The following CMBL variants were observed in gnomAD, a reference collection of about 807,000 sequenced individuals.
CMBL encodes the protein carboxymethylenebutenolidase homolog (Pseudomonas).
CMBL carries 17 observed loss-of-function variants against 28.7 expected under a neutral mutation model. The observed-to-expected ratio is 0.59, with a 90% confidence interval of 0.41 to 0.89. CMBL has a LOEUF of 0.89. Among genes scored for constraint, CMBL ranks in the 40% least tolerant of loss-of-function variants. CMBL has a pLI of 0.00. For synonymous variants in CMBL, 106 were observed against 101.6 expected, an observed-to-expected ratio of 1.04 and a Z score of -0.26; for missense variants, 310 against 298.5, an observed-to-expected ratio of 1.04 and a Z score of -0.28.
At chr5:10,291,617 C>T (rs1272653874) in intron 1 of CMBL, among the ~76,000 whole-genome samples, 2 of 151,100 alleles carry the variant, frequency 1.3e-5, no homozygotes, top group Non-Finnish European at 1.5e-5. Flanking sequence ...GCCGAGATCG[C>T]GCCACTGCAC....
Position 10,292,688 on chromosome 5 carries a change from G to T in CMBL, c.-19-1907C>A, listed in dbSNP as rs550520722. Among the ~76,000 whole-genome samples the T allele has an allele frequency of 7.2e-5, 11 of 152,194 alleles. No individual in the cohort carries two copies. The South Asian group carries it at 2.3e-3, about 32-fold the overall frequency. The stretch of plus-strand genomic sequence containing the variant: ...AAAATACAAAAGTTAGCCGGGTGTG[G>T]TGGCAGGCGCCTGTAGTCCCAGCTA... On this transcript the variant is annotated intron_variant, in intron 1 of 5. Coordinates refer to ENST00000296658, the MANE Select transcript of CMBL (RefSeq NM_138809.4).
intron 1 of CMBL, among the ~76,000 whole-genome samples, chr5:10,303,367 G>A (rs1417059015): frequency 2.0e-5 from 3 of 152,314 alleles, no homozygotes; most frequent in East Asian, 3.9e-4. Flanking sequence ...CTCACATTTG[G>A]CTCAGAATAA....
At chr5:10,288,046 C>CA (rs1306023615) in intron 3 of CMBL, among the ~76,000 whole-genome samples, 5 of 142,256 alleles carry the variant, frequency 3.5e-5, no homozygotes, top group East Asian at 2.4e-4. Flanking sequence ...ATTTTAATTA[C>CA]AAAAAAAATC....
chr5:10,287,923 G>A (rs995623258), intron 3 of CMBL, among the ~76,000 whole-genome samples: 1 of 151,394 alleles, frequency 6.6e-6, no homozygotes, highest in South Asian at 2.1e-4. Context: ...GTAGAGGCAG[G>A]TTTCACCATG....
At chr5:10,290,322 A>G in intron 2 of CMBL, 1 of 553,740 alleles carries the variant, frequency 1.8e-6, no homozygotes. Flanking sequence ...AAGGCCAGGT[A>G]CTCCCAGGAG....
At chr5:10,292,873 A>G (rs1033339599) in intron 1 of CMBL, among the ~76,000 whole-genome samples, 2 of 152,066 alleles carry the variant, frequency 1.3e-5, no homozygotes, top group Admixed American at 6.6e-5. Flanking sequence ...AAGAGGAACT[A>G]GGAACACTAA....
chr5:10,302,508 G>T (rs11957753), intron 1 of CMBL, among the ~76,000 whole-genome samples: 2,076 of 151,018 alleles, frequency 0.014, 18 homozygotes, highest in Non-Finnish European at 0.024. Flanking sequence ...AATTAGCCAG[G>T]CATGGTGGTG....
chr5:10,286,914 C>A (rs999654132), intron 3 of CMBL, among the ~76,000 whole-genome samples: 1 of 152,174 alleles, frequency 6.6e-6, no homozygotes, highest in African/African-American at 2.4e-5. Context: ...CTCCTCTCTC[C>A]TCTCTCCCAT....
At position 10,301,606 on chromosome 5, in the gene CMBL, G is replaced by GTTTTTT. The variant is rs371796871; in HGVS notation, c.-20+6013_-20+6018dup. Among the ~76,000 whole-genome samples the GTTTTTT allele has an allele frequency of 5.9e-4, 78 of 132,236 alleles. 1 individual carries two copies. The highest frequency in any genetic ancestry group is 1.7e-3 in the African/African-American group (57 of 34,530). The allele number at this position is 132,236 out of a possible 152,430, so 86.8% of individuals were successfully genotyped here. On this transcript the variant is annotated intron_variant, in intron 1 of 5. Coordinates refer to ENST00000296658, the MANE Select transcript of CMBL (RefSeq NM_138809.4). ...TTTCTTTTTTTCTTTTTCTTTTCGG[G>GTTTTTT]TTTTTTTTTTTTTGGAGACGGAGTC... is the stretch of plus-strand genomic sequence containing the variant.
chr5:10,288,392 T>C (rs2126546619), intron 3 of CMBL, 30 bp downstream of exon 3: 1 of 1,541,538 alleles, frequency 6.5e-7, no homozygotes. Context: ...GGCCACAACG[T>C]GCACATGGCC....
At position 10,290,781 on chromosome 5, in the gene CMBL, G is replaced by C; in HGVS notation, c.-19C>G. The C allele has an allele frequency of 6.2e-7, 1 of 1,602,142 alleles. No individual in the cohort carries two copies. Among genetic ancestry groups the C allele is most frequent in the Non-Finnish European group, 8.6e-7 (1 of 1,169,222 alleles). On this transcript the variant is annotated splice_region_variant and 5_prime_UTR_variant, in exon 2 of 6. Coordinates refer to ENST00000296658, the MANE Select transcript of CMBL (RefSeq NM_138809.4). ...TAGCCATTGCAGAGATTTAAGTCGG[G>C]CTATGGAGAGAGAAACATGCGTTAT... is the stretch of plus-strand genomic sequence containing the variant.
rs1257335731 is a variant in CMBL, at chr5:10,278,205, C to T, written c.*2248G>A. ...GGGAATTCTTTGAATTTTATGTTTC[C>T]TGAGCATCTATTTGAATGTAAGTTG... On this transcript the variant is annotated 3_prime_UTR_variant, in exon 6 of 6. Coordinates refer to ENST00000296658, the MANE Select transcript of CMBL (RefSeq NM_138809.4). 6.6e-6 allele frequency among the ~76,000 whole-genome samples: 1 copy of T among 152,196 alleles called. No homozygotes were observed. The highest frequency in any genetic ancestry group is 6.5e-5 in the Admixed American group (1 of 15,280).
At chr5:10,285,257 C>G (rs1171298486) in intron 4 of CMBL, among the ~76,000 whole-genome samples, 1 of 152,228 alleles carries the variant, frequency 6.6e-6, no homozygotes, top group Non-Finnish European at 1.5e-5. Flanking sequence ...CAACCTCCAC[C>G]TCCCGGGTTC....
chr5:10,288,898 A>C (rs1360723069), intron 2 of CMBL, among the ~76,000 whole-genome samples: 1 of 152,000 alleles, frequency 6.6e-6, no homozygotes, highest in Non-Finnish European at 1.5e-5. Context: ...GCCTGGGGAG[A>C]CTCCTGGCCT....
rs1439786411 is a variant in CMBL at position 10,280,548 on chromosome 5, C to T, written c.643G>A (p.Val215Met). The T allele has an allele frequency of 8.1e-6, 13 of 1,613,788 alleles. No individual in the cohort carries two copies. Among genetic ancestry groups the T allele is most frequent in the South Asian group, 2.2e-5 (2 of 91,070 alleles). Residue 215 changes from valine (V) to methionine (M), a missense_variant, in exon 6 of 6, where the codon GTG becomes ATG. Val to Met is a conservative substitution (Grantham distance 21). Coordinates refer to ENST00000296658, the MANE Select transcript of CMBL (RefSeq NM_138809.4). ...KTFSGQTHGFVHRKREDCSPA... is the reference protein window; with the variant it reads ...KTFSGQTHGFMHRKREDCSPA... ...GAGCAATCTTCTCTCTTCCGATGCA[C>T]GAACCCATGAGTCTGCCCAGAAAAT...
chr5:10,293,100 A>AC (rs1231021070), intron 1 of CMBL, among the ~76,000 whole-genome samples: 1 of 152,244 alleles, frequency 6.6e-6, no homozygotes, highest in Non-Finnish European at 1.5e-5. Flanking sequence ...GCAAAACTTG[A>AC]TACAATCAAT....
chr5:10,291,839 C>A lies in CMBL; in HGVS notation c.-19-1058G>T, dbSNP rs572424891. On this transcript the variant is annotated intron_variant, in intron 1 of 5. Transcript: ENST00000296658. ...CACTTTACCACAAGACTTCCACAAT[C>A]CAGGCCAAAAATACGACCCGCTGAA... 1.2e-4 allele frequency among the ~76,000 whole-genome samples: 19 copies of A among 152,250 alleles called. No individual in the cohort carries two copies. In the South Asian group the frequency reaches 3.9e-3, roughly 32 times the overall value.
At chr5:10,285,577 C>T (rs114538813) in intron 4 of CMBL, among the ~76,000 whole-genome samples, 9,064 of 152,076 alleles carry the variant, frequency 0.06, 361 homozygotes, top group South Asian at 0.12. Flanking sequence ...GGATTACAGG[C>T]GTGAGTCATC....
chr5:10,294,693 G>C (rs532845714), intron 1 of CMBL, among the ~76,000 whole-genome samples: 2 of 152,240 alleles, frequency 1.3e-5, no homozygotes, highest in Non-Finnish European at 2.9e-5. Context: ...CTCACACCAG[G>C]ACGGTGATGG....
Sources: gnomAD v4.1 joint callset for allele counts (sites outside exome capture counted in the v4.1 genomes callset) on GRCh38, gnomAD v4.1.1 for gene constraint, MANE v1.5 for transcripts, NCBI Gene and HGNC (gene_info 2026-07-23, HGNC 2026-07-21) for gene names.